The following HIVEP2 variants were observed in gnomAD, a reference collection of about 807,000 sequenced individuals.
The protein encoded by HIVEP2 is transcription factor HIVEP2.
A neutral mutation model predicts 180.7 loss-of-function variants in HIVEP2; 14 were observed. The observed-to-expected ratio is 0.08, with a 90% CI of 0.05 to 0.12. The LOEUF (loss-of-function observed/expected upper bound fraction) is 0.12. Ranked by LOEUF, HIVEP2 falls within the 10% of genes least tolerant of loss-of-function variation. The pLI, the probability that HIVEP2 is intolerant of heterozygous loss-of-function variation, is 1.00. For missense variants in HIVEP2, 2,579 were observed against 3,008.5 expected (o/e 0.86, Z 3.34); for synonymous variants, 1,184 against 1,136.4 (o/e 1.04, Z -0.84).
At chr6:142,806,942 T>C (rs372783351) in intron 2 of HIVEP2, among the ~76,000 whole-genome samples, 7 of 152,286 alleles carry the variant, frequency 4.6e-5, no homozygotes, top group African/African-American at 1.7e-4. Flanking sequence ...CTCATTGCAA[T>C]ACCCAGCTCC....
chr6:142,856,683 C>G (rs962486133), intron 1 of HIVEP2, among the ~76,000 whole-genome samples: 2 of 152,230 alleles, frequency 1.3e-5, no homozygotes, highest in Non-Finnish European at 2.9e-5. Flanking sequence ...AAACCAAATG[C>G]TTGGCTTGGA....
At chr6:142,832,700 G>A (rs1226550788) in intron 2 of HIVEP2, among the ~76,000 whole-genome samples, 1 of 152,182 alleles carries the variant, frequency 6.6e-6, no homozygotes, top group African/African-American at 2.4e-5. Flanking sequence ...AGGATTTATA[G>A]TGAAAACTGT....
chr6:142,921,796 T>A (rs1777688982), intron 1 of HIVEP2, among the ~76,000 whole-genome samples: 2 of 152,212 alleles, frequency 1.3e-5, no homozygotes, highest in South Asian at 4.1e-4. Context: ...GACTTAATCC[T>A]CCTTTAGTCA....
At chr6:142,784,582 G>A (rs1381365975) in intron 2 of HIVEP2, among the ~76,000 whole-genome samples, 2 of 152,192 alleles carry the variant, frequency 1.3e-5, no homozygotes, top group Non-Finnish European at 2.9e-5. Context: ...TGCAAAAATA[G>A]CTTCTGCAAT....
chr6:142,935,407 A>G (rs1778028410), intron 1 of HIVEP2, among the ~76,000 whole-genome samples: 1 of 152,080 alleles, frequency 6.6e-6, no homozygotes, highest in Non-Finnish European at 1.5e-5. Flanking sequence ...AAATTAGCTC[A>G]GTATGGTGGC....
intron 1 of HIVEP2, among the ~76,000 whole-genome samples, chr6:142,874,401 T>C (rs1405045064): frequency 1.3e-5 from 2 of 152,162 alleles, no homozygotes; most frequent in African/African-American, 4.8e-5. Context: ...AAAATCTATT[T>C]TTATCCCATA....
chr6:142,814,945 T>C (rs1008284685), intron 2 of HIVEP2, among the ~76,000 whole-genome samples: 7 of 152,050 alleles, frequency 4.6e-5, no homozygotes, highest in African/African-American at 1.7e-4. Context: ...CAAGCAGAAA[T>C]TTTTTGCTCA....
At chr6:142,768,722 A>G (rs1775438877) in intron 5 of HIVEP2, among the ~76,000 whole-genome samples, 186 bp from the exon 6 acceptor site, 1 of 152,012 alleles carries the variant, frequency 6.6e-6, no homozygotes, top group South Asian at 2.1e-4. Flanking sequence ...CACTGAATAA[A>G]TTCAACATTC....
chr6:142,910,981 T>A (rs1439333184), intron 1 of HIVEP2, among the ~76,000 whole-genome samples: 1 of 152,054 alleles, frequency 6.6e-6, no homozygotes, highest in Non-Finnish European at 1.5e-5. Flanking sequence ...AAGACTCAAG[T>A]CCTCTATTTT....
At chr6:142,821,277 A>C (rs994995051) in intron 2 of HIVEP2, among the ~76,000 whole-genome samples, 1 of 152,204 alleles carries the variant, frequency 6.6e-6, no homozygotes, top group African/African-American at 2.4e-5. Context: ...CATTTAAAAA[A>C]AAAAAAAATC....
intron 1 of HIVEP2, among the ~76,000 whole-genome samples, chr6:142,854,175 T>G (rs1775760256): frequency 6.6e-6 from 1 of 152,162 alleles, no homozygotes; most frequent in South Asian, 2.1e-4. Flanking sequence ...TTAGGGTGAT[T>G]CTGCCCCCTT....
At position 142,801,204 on chromosome 6, in the gene HIVEP2, A is replaced by C. The variant is rs757579555; in HGVS notation, c.-527-17589T>G. ...AGTGGCCAGTGTCAAAAAAAAAAAA[A>C]AAAAAAACGAGGGAATACACACAAT... On this transcript the variant is annotated intron_variant, in intron 2 of 9. Coordinates refer to ENST00000367603, the MANE Select transcript of HIVEP2 (RefSeq NM_006734.4). 1.3e-3 allele frequency among the ~76,000 whole-genome samples: 198 copies of C among 151,686 alleles called. 3 individuals are homozygous for C. Among genetic ancestry groups the C allele is most frequent in the Non-Finnish European group, 1.7e-3 (113 of 67,900 alleles).
At chr6:142,939,595 C>A (rs1459594273) in intron 1 of HIVEP2, among the ~76,000 whole-genome samples, 5 of 152,124 alleles carry the variant, frequency 3.3e-5, no homozygotes, top group African/African-American at 1.2e-4. Context: ...TCAAGATCCT[C>A]AGTAAAAAAA....
intron 2 of HIVEP2, among the ~76,000 whole-genome samples, chr6:142,794,938 G>C (rs1776246933): frequency 6.6e-6 from 1 of 152,124 alleles, no homozygotes; most frequent in Non-Finnish European, 1.5e-5. Flanking sequence ...ATGAATTAAA[G>C]AGCCTGAAAA....
intron 2 of HIVEP2, among the ~76,000 whole-genome samples, chr6:142,809,767 G>T (rs989539955): frequency 1.1e-4 from 17 of 151,948 alleles, no homozygotes; most frequent in Admixed American, 5.9e-4. Context: ...CTAATTTTTT[G>T]TATTTTTAGT....
At chr6:142,894,805 C>T (rs1279049673) in intron 1 of HIVEP2, among the ~76,000 whole-genome samples, 4 of 152,098 alleles carry the variant, frequency 2.6e-5, no homozygotes, top group African/African-American at 4.8e-5. Flanking sequence ...GTCATTTGAA[C>T]GCAGGGTCTC....
At chr6:142,775,157 A>G in intron 4 of HIVEP2, 32 bp from the exon 5 acceptor site, 3 of 807,790 alleles carry the variant, frequency 3.7e-6, no homozygotes, top group Non-Finnish European at 4.4e-6. Flanking sequence ...AGAGATTGTC[A>G]TAACAGTTTC....
chr6:142,765,053 G>T, intron 6 of HIVEP2, 79 bp from the exon 7 acceptor site: 1 of 1,337,690 alleles, frequency 7.5e-7, no homozygotes, highest in Non-Finnish European at 1.0e-6. Flanking sequence ...CTAATTATTT[G>T]CACGGCAAAG....
At chr6:142,889,739 T>C (rs575852046) in intron 1 of HIVEP2, among the ~76,000 whole-genome samples, 4 of 152,210 alleles carry the variant, frequency 2.6e-5, no homozygotes, top group African/African-American at 4.8e-5. Flanking sequence ...TTATTATGTT[T>C]AGTGATTTCT....
Sources: gnomAD v4.1 joint callset for allele counts (sites outside exome capture counted in the v4.1 genomes callset) on GRCh38, gnomAD v4.1.1 for gene constraint, MANE v1.5 for transcripts, NCBI Gene and HGNC (gene_info 2026-07-23, HGNC 2026-07-21) for gene names.